ITM2B: variants seen among roughly 807,000 people sequenced by gnomAD.
ITM2B encodes integral membrane protein 2B, also known as ABri/ADan amyloid peptide.
ITM2B carries 11 observed loss-of-function variants against 27.8 expected under a neutral mutation model. The ratio of observed to expected loss-of-function variants is 0.40; its 90% confidence interval spans 0.25 to 0.66. ITM2B has a LOEUF of 0.66. Ranked by LOEUF, ITM2B falls within the 30% of genes least tolerant of loss-of-function variation. The pLI, the probability that ITM2B is intolerant of heterozygous loss-of-function variation, is 0.43. For missense variants in ITM2B, 296 were observed against 328.9 expected (o/e 0.90, Z 0.77); for synonymous variants, 114 against 114.3 (o/e 1.00, Z 0.02).
chr13:48,256,801 A>G (rs1347377869), intron 3 of ITM2B, among the ~76,000 whole-genome samples: 1 of 152,152 alleles, frequency 6.6e-6, no homozygotes, highest in South Asian at 2.1e-4. Flanking sequence ...AAAGTTGAAT[A>G]CCCAAAATCC....
chr13:48,251,390 T>A (rs769609674), intron 1 of ITM2B, among the ~76,000 whole-genome samples: 1 of 152,238 alleles, frequency 6.6e-6, no homozygotes, highest in Non-Finnish European at 1.5e-5. Context: ...CATTTTCCTA[T>A]TAGAGTTTGT....
At chr13:48,237,417 C>G (rs1438784994) in intron 1 of ITM2B, among the ~76,000 whole-genome samples, 1 of 152,168 alleles carries the variant, frequency 6.6e-6, no homozygotes, top group Non-Finnish European at 1.5e-5. Flanking sequence ...GTACACATCC[C>G]TGACAGGACA....
rs58490404 is a variant in ITM2B at position 48,235,013 on chromosome 13, CAT to C, written c.117+1548_117+1549del. Among the ~76,000 whole-genome samples, 4 of 149,930 alleles carry C rather than the reference CAT, an allele frequency of 2.7e-5. No homozygotes were observed. In the East Asian group the frequency reaches 5.8e-4, roughly 22 times the overall value. The stretch of plus-strand genomic sequence containing the variant: ...AATATATGTAGTCTTAATGCTATCA[CAT>C]ATATATATATACACACATACATTTA... On this transcript the variant is annotated intron_variant, in intron 1 of 5. Transcript: ENST00000647800.
rs1164606441 is a variant in ITM2B, at chr13:48,233,383, C to A, written c.23C>A (p.Ser8Tyr). 6.4e-6 allele frequency: 10 copies of A among 1,564,662 alleles called. No individual in the cohort carries two copies. The highest frequency in any genetic ancestry group is 8.6e-6 in the Non-Finnish European group (10 of 1,157,950). Residue 8 changes from serine (S) to tyrosine (Y), a missense_variant, in exon 1 of 6, where the codon TCC becomes TAC. Transcript: ENST00000647800. Reference sequence around the variant, plus strand: ...GCCATGGTGAAGGTGACGTTCAACTCCGCTCTGGCCCAGAAGGAGGCCAAG... The same window carrying A: ...GCCATGGTGAAGGTGACGTTCAACTACGCTCTGGCCCAGAAGGAGGCCAAG... MVKVTFN[S>Y]ALAQKEAKKD...
Position 48,265,363 on chromosome 13 carries a change from A to G in ITM2B, c.*4139A>G, listed in dbSNP as rs1028718156. On this transcript the variant is annotated 3_prime_UTR_variant, in exon 6 of 6. Coordinates refer to ENST00000647800, the MANE Select transcript of ITM2B (RefSeq NM_021999.5). ...CAGTGTGGTCTTATCCCCGTCGCAA[A>G]TGGAGGATATTTAAGAAACCCAAGC... 6.6e-6 allele frequency: 1 copy of G among 152,066 alleles called. No homozygotes were observed. The highest frequency in any genetic ancestry group is 1.5e-5 in the Non-Finnish European group (1 of 68,056). 9.4% of individuals were successfully genotyped at this position (152,066 alleles called of 1,614,324 possible).
At position 48,269,139 on chromosome 13, in the gene ITM2B, T is replaced by C. The variant is rs1260163303; in HGVS notation, c.*7915T>C. On this transcript the variant is annotated 3_prime_UTR_variant, in exon 6 of 6. Coordinates refer to ENST00000647800, the MANE Select transcript of ITM2B (RefSeq NM_021999.5). The stretch of plus-strand genomic sequence containing the variant: ...TTTCCTCATCTCAGCTCCTTTTTTT[T>C]TCCAGTTGCACAGGCTAAAAATAGG... 6.6e-6 allele frequency: 1 copy of C among 152,216 alleles called. No homozygotes were observed. Among genetic ancestry groups the C allele is most frequent in the Non-Finnish European group, 1.5e-5 (1 of 68,040 alleles). The allele number at this position is 152,216 out of a possible 1,614,324, so 9.4% of individuals were successfully genotyped here.
Position 48,233,277 on chromosome 13 carries a change from C to G in ITM2B, c.-84C>G. ...CCCGGAGCCGCTCCCGGAGCCCGGC[C>G]GTAGAGGCTGCAATCGCAGCCGGGA... On this transcript the variant is annotated 5_prime_UTR_variant, in exon 1 of 6. Transcript: ENST00000647800. 1.2e-6 allele frequency: 1 copy of G among 845,426 alleles called. No homozygotes were observed. The highest frequency in any genetic ancestry group is 1.6e-5 in the South Asian group (1 of 61,040). The allele number at this position is 845,426 out of a possible 1,614,324, so 52.4% of individuals were successfully genotyped here.
At chr13:48,254,027 G>A (rs1356904212) in intron 2 of ITM2B, 91 bp downstream of exon 2, 36 of 1,280,094 alleles carry the variant, frequency 2.8e-5, no homozygotes, top group Non-Finnish European at 3.7e-5. Context: ...CTTGCGCTAA[G>A]CTTGTACTTT....
chr13:48,233,491 G>A lies in ITM2B; in HGVS notation c.117+14G>A. On this transcript the variant is annotated intron_variant, in intron 1 of 5. Coordinates refer to ENST00000647800, the MANE Select transcript of ITM2B (RefSeq NM_021999.5). ...GTGGACTGCAAGGTCCGAGCCCGGG[G>A]AGGTCGAGGAAGCGGGTGCTGGGCC... The A allele has an allele frequency of 2.0e-6, 3 of 1,497,912 alleles. No individual in the cohort carries two copies. The highest frequency in any genetic ancestry group is 2.7e-6 in the Non-Finnish European group (3 of 1,117,052). The allele number at this position is 1,497,912 out of a possible 1,614,324, so 92.8% of individuals were successfully genotyped here.
chr13:48,253,027 A>T (rs553762306), intron 1 of ITM2B, among the ~76,000 whole-genome samples: 2 of 152,280 alleles, frequency 1.3e-5, no homozygotes, highest in East Asian at 3.9e-4. Context: ...TTGTTTTCTT[A>T]AGTGGATAGA....
At position 48,268,827 on chromosome 13, in the gene ITM2B, A is replaced by G. The variant is rs1951868154; in HGVS notation, c.*7603A>G. On this transcript the variant is annotated 3_prime_UTR_variant, in exon 6 of 6. Coordinates refer to ENST00000647800, the MANE Select transcript of ITM2B (RefSeq NM_021999.5). The stretch of plus-strand genomic sequence containing the variant: ...TTTTGAGGGTAGATTGGTAAAATAT[A>G]CATAATAAATACATGACAATGCAGG... 5 of 152,246 alleles carry G rather than the reference A, an allele frequency of 3.3e-5. No individual in the cohort carries two copies. The highest frequency in any genetic ancestry group is 3.3e-4 in the Admixed American group (5 of 15,284). The allele number at this position is 152,246 out of a possible 1,614,324, so 9.4% of individuals were successfully genotyped here. A position where few individuals can be genotyped will look rare whatever the true frequency, so the allele number is the denominator to read the frequency against.
chr13:48,253,140 T>TAAA (rs972628246), intron 1 of ITM2B, among the ~76,000 whole-genome samples: 1 of 152,218 alleles, frequency 6.6e-6, no homozygotes, highest in African/African-American at 2.4e-5. Context: ...CTTCTATCTT[T>TAAA]AAAAGAAAGT....
rs775848254 is a variant in ITM2B, at chr13:48,256,286, T to C, written c.356T>C (p.Ile119Thr). 1 of 1,613,888 alleles carries C rather than the reference T, an allele frequency of 6.2e-7. No individual in the cohort carries two copies. Among genetic ancestry groups the C allele is most frequent in the Non-Finnish European group, 8.5e-7 (1 of 1,179,806 alleles). ...AALYQTIEEN[I>T]KIFEEEEVEF... is the part of the protein sequence containing the mutation. Reference sequence around the variant, plus strand: ...CTCTACCAGACAATTGAAGAAAATATTAAAATCTTTGAAGAAGAAGAAGTT... The same window carrying C: ...CTCTACCAGACAATTGAAGAAAATACTAAAATCTTTGAAGAAGAAGAAGTT... The change falls in exon 3 of 6, where the codon ATT (isoleucine) becomes ACT (threonine). Residue 119 changes from isoleucine (I) to threonine (T), a missense_variant. Transcript: ENST00000647800.
At position 48,245,795 on chromosome 13, in the gene ITM2B, G is replaced by A. The variant is rs78323476; in HGVS notation, c.118-8013G>A. Among the ~76,000 whole-genome samples the A allele has an allele frequency of 6.0e-5, 8 of 134,392 alleles. No individual in the cohort carries two copies. In the South Asian group the frequency reaches 1.1e-3, roughly 19 times the overall value. The allele number at this position is 134,392 out of a possible 152,430, so 88.2% of individuals were successfully genotyped here. On this transcript the variant is annotated intron_variant, in intron 1 of 5. Coordinates refer to ENST00000647800, the MANE Select transcript of ITM2B (RefSeq NM_021999.5). Reference sequence around the variant, plus strand: ...GTTTAAGTTCTTTTTTTTTTTTTTCGAGACAGAGTCTTTCTCTGTCGCCCA... The same window carrying A: ...GTTTAAGTTCTTTTTTTTTTTTTTCAAGACAGAGTCTTTCTCTGTCGCCCA...
Position 48,256,171 on chromosome 13 carries a change from C to T in ITM2B, c.247-6C>T, listed in dbSNP as rs1185058051. The T allele has an allele frequency of 1.2e-6, 2 of 1,605,010 alleles. No individual in the cohort carries two copies. The highest frequency in any genetic ancestry group is 2.7e-5 in the African/African-American group (2 of 74,746). Reference sequence around the variant, plus strand: ...TTGCTGAAATGAGTCTTTAAACTCTCTATAGCCAGATGACGTGTACTACTG... The same window carrying T: ...TTGCTGAAATGAGTCTTTAAACTCTTTATAGCCAGATGACGTGTACTACTG... On this transcript the variant is annotated splice_region_variant and splice_polypyrimidine_tract_variant and intron_variant, in intron 2 of 5. Transcript: ENST00000647800.
chr13:48,252,689 T>G (rs1465974833), intron 1 of ITM2B, among the ~76,000 whole-genome samples: 2 of 152,234 alleles, frequency 1.3e-5, no homozygotes, highest in Non-Finnish European at 2.9e-5. Flanking sequence ...CTTTCTAATT[T>G]TATATCCTAT....
intron 5 of ITM2B, 89 bp from the exon 6 acceptor site, chr13:48,261,050 T>A: frequency 1.2e-6 from 1 of 863,212 alleles, no homozygotes; most frequent in Non-Finnish European, 1.9e-6. Flanking sequence ...GAAATACTTC[T>A]ATATGTCTAA....
At position 48,270,041 on chromosome 13, in the gene ITM2B, G is replaced by A. The variant is rs927115197; in HGVS notation, c.*8817G>A. The A allele has an allele frequency of 2.0e-5, 3 of 152,230 alleles. No individual in the cohort carries two copies. Among genetic ancestry groups the A allele is most frequent in the Admixed American group, 2.0e-4 (3 of 15,288 alleles). 9.4% of individuals were successfully genotyped at this position (152,230 alleles called of 1,614,324 possible). A position where few individuals can be genotyped will look rare whatever the true frequency, so the allele number is the denominator to read the frequency against. On this transcript the variant is annotated 3_prime_UTR_variant, in exon 6 of 6. Coordinates refer to ENST00000647800, the MANE Select transcript of ITM2B (RefSeq NM_021999.5). The stretch of plus-strand genomic sequence containing the variant: ...GTCATTTCCATAGCCCATGTGGAAT[G>A]AGATGTCCACTAGGGCAGAGAAGCA...
rs960813185 is a variant in ITM2B at position 48,245,733 on chromosome 13, AG to A, written c.118-8074del. 2.6e-4 allele frequency among the ~76,000 whole-genome samples: 39 copies of A among 151,948 alleles called. 1 individual carries two copies. The highest frequency in any genetic ancestry group is 7.0e-4 in the African/African-American group (29 of 41,468). ...ATATTGCAGGATTTTTTAACAAAAA[AG>A]TATGTTAATGAGGAATCTGTTTTAT... On this transcript the variant is annotated intron_variant, in intron 1 of 5. Coordinates refer to ENST00000647800, the MANE Select transcript of ITM2B (RefSeq NM_021999.5).
Sources: gnomAD v4.1 joint callset for allele counts (sites outside exome capture counted in the v4.1 genomes callset) on GRCh38, gnomAD v4.1.1 for gene constraint, MANE v1.5 for transcripts, NCBI Gene and HGNC (gene_info 2026-07-23, HGNC 2026-07-21) for gene names.